The following RBFOX1 variants were observed in gnomAD, a reference collection of about 807,000 sequenced individuals.
RBFOX1 encodes RNA binding fox-1 homolog 1.
Under a neutral mutation model 57.7 loss-of-function variants are expected in RBFOX1, and 8 were observed. The ratio of observed to expected loss-of-function variants is 0.14; its 90% CI spans 0.08 to 0.25. The LOEUF is 0.25. Among genes scored for constraint, RBFOX1 ranks in the 10% least tolerant of loss-of-function variants. RBFOX1 has a pLI of 1.00. For synonymous variants in RBFOX1, 326 were observed against 222.4 expected, an observed-to-expected ratio of 1.47 and a Z score of -4.15; for missense variants, 611 against 548.5, an observed-to-expected ratio of 1.11 and a Z score of -1.14.
At chr16:5,916,817 G>A (rs555545597) in intron 4 of RBFOX1, among the ~76,000 whole-genome samples, 1 of 152,164 alleles carries the variant, frequency 6.6e-6, no homozygotes, top group African/African-American at 2.4e-5. Flanking sequence ...TGAGCTGGGA[G>A]AGAGTCGGAA....
chr16:7,094,628 GTTT>G (rs5815365), intron 4 of RBFOX1, among the ~76,000 whole-genome samples: 2,227 of 141,034 alleles, frequency 0.016, 47 homozygotes, highest in African/African-American at 0.049. Context: ...TTCTTTTGAA[GTTT>G]TTTTTTTTTT....
At chr16:7,116,909 G>A (rs949439848) in intron 4 of RBFOX1, among the ~76,000 whole-genome samples, 3 of 152,142 alleles carry the variant, frequency 2.0e-5, no homozygotes, top group African/African-American at 7.2e-5. Context: ...GTGTGCTAGG[G>A]AGAGGAAGTT....
At chr16:6,249,133 G>C (rs763388226) in intron 1 of RBFOX1, among the ~76,000 whole-genome samples, 1 of 152,080 alleles carries the variant, frequency 6.6e-6, no homozygotes, top group Non-Finnish European at 1.5e-5. Flanking sequence ...ACTCAAGATC[G>C]TTAAGAAAGA....
intron 3 of RBFOX1, among the ~76,000 whole-genome samples, chr16:6,984,872 C>G (rs144836677): frequency 0.036 from 5,452 of 152,114 alleles, 309 homozygotes; most frequent in African/African-American, 0.12. Flanking sequence ...AACTCCTGAC[C>G]TCAGCTGATC....
chr16:6,523,181 ATC>A (rs1404397944), intron 2 of RBFOX1, among the ~76,000 whole-genome samples: 1 of 151,986 alleles, frequency 6.6e-6, no homozygotes, highest in Non-Finnish European at 1.5e-5. Context: ...CTGCTTACTC[ATC>A]TCTCTCTTCT....
At chr16:7,065,333 C>G (rs2346253) in intron 4 of RBFOX1, among the ~76,000 whole-genome samples, 123,919 of 151,966 alleles carry the variant, frequency 0.82, 51,164 homozygotes, top group African/African-American at 0.94. Context: ...TTCAGGTGCA[C>G]GTCTCATCTT....
chr16:6,956,761 C>A (rs58554423), intron 3 of RBFOX1, among the ~76,000 whole-genome samples: 1 of 152,148 alleles, frequency 6.6e-6, no homozygotes, highest in Admixed American at 6.5e-5. Context: ...TTTGACCAGG[C>A]ACAGATGGGT....
intron 3 of RBFOX1, among the ~76,000 whole-genome samples, chr16:6,887,703 C>G (rs1187978798): frequency 1.3e-5 from 2 of 151,522 alleles, no homozygotes; most frequent in African/African-American, 4.9e-5. Flanking sequence ...CACTCTGTCA[C>G]CCAGGTTGGA....
chr16:6,651,697 C>G (rs1288764382), intron 2 of RBFOX1, among the ~76,000 whole-genome samples: 1 of 152,140 alleles, frequency 6.6e-6, no homozygotes, highest in East Asian at 1.9e-4. Context: ...TTGGCAATCT[C>G]ACTTCTGGGC....
rs1211980580 is a variant in RBFOX1 at position 6,468,858 on chromosome 16, G to A, written c.-64+151801G>A. Among the ~76,000 whole-genome samples the A allele has an allele frequency of 3.9e-5, 6 of 151,906 alleles. No individual in the cohort carries two copies. The East Asian group carries it at 1.2e-3, about 29-fold the overall frequency. ...ACATAGGTAAACTTGTGTCATGGGG[G>A]TTCATTGTACAGATTATTTCATCAC... On this transcript the variant is annotated intron_variant, in intron 2 of 15. Transcript: ENST00000550418.
chr16:7,542,357 C>G (rs1016207924), intron 5 of RBFOX1, among the ~76,000 whole-genome samples: 1 of 152,176 alleles, frequency 6.6e-6, no homozygotes, highest in African/African-American at 2.4e-5. Context: ...CCCGTAACTT[C>G]CTCTTGACTT....
chr16:6,777,131 T>C (rs973199163), intron 3 of RBFOX1, among the ~76,000 whole-genome samples: 1 of 152,100 alleles, frequency 6.6e-6, no homozygotes, highest in South Asian at 2.1e-4. Flanking sequence ...AGTGGTCTTG[T>C]ATGCGATGTG....
chr16:7,509,804 C>A lies in RBFOX1; in HGVS notation c.28-8343C>A, dbSNP rs544874911. Among the ~76,000 whole-genome samples, 5 of 152,218 alleles carry A rather than the reference C, an allele frequency of 3.3e-5. No individual in the cohort carries two copies. In the East Asian group the frequency reaches 9.6e-4, roughly 29 times the overall value. The stretch of plus-strand genomic sequence containing the variant: ...CCTTTTATCCCTGAATGTTTGCCCT[C>A]CCCTCTTAAGAAAAAATAAGATAGT... On this transcript the variant is annotated intron_variant, in intron 4 of 15. Transcript: ENST00000550418.
intron 4 of RBFOX1, among the ~76,000 whole-genome samples, chr16:5,932,235 G>A (rs891406696): frequency 6.6e-6 from 1 of 152,188 alleles, no homozygotes; most frequent in Non-Finnish European, 1.5e-5. Context: ...TCAGTGAGAA[G>A]GTTTTGATGC....
intron 2 of RBFOX1, among the ~76,000 whole-genome samples, chr16:6,582,990 C>A (rs1402591818): frequency 6.6e-6 from 1 of 150,970 alleles, no homozygotes; most frequent in African/African-American, 2.4e-5. Context: ...CTCCCTCTTC[C>A]TCACTCTTCT....
At chr16:6,930,763 C>T (rs2076371839) in intron 3 of RBFOX1, among the ~76,000 whole-genome samples, 1 of 152,114 alleles carries the variant, frequency 6.6e-6, no homozygotes, top group Non-Finnish European at 1.5e-5. Flanking sequence ...TTATTGGCCA[C>T]TTGATCCTCC....
chr16:5,643,277 G>C (rs1472925292), intron 3 of RBFOX1, among the ~76,000 whole-genome samples: 1 of 152,148 alleles, frequency 6.6e-6, no homozygotes, highest in African/African-American at 2.4e-5. Flanking sequence ...AAAATGATGT[G>C]GCTTCTTGGC....
intron 3 of RBFOX1, chr16:6,749,064 G>A (rs1246536957): frequency 6.6e-6 from 1 of 152,168 alleles, no homozygotes; most frequent in Non-Finnish European, 1.5e-5. Context: ...TTCATAAAAT[G>A]ACTGATATTT....
chr16:5,785,494 C>G (rs1471989364), intron 3 of RBFOX1, among the ~76,000 whole-genome samples: 1 of 151,994 alleles, frequency 6.6e-6, no homozygotes, highest in Non-Finnish European at 1.5e-5. Context: ...TGCATGGTGT[C>G]TTCAATTTCT....
Sources: allele counts gnomAD v4.1 joint callset (sites outside exome capture counted in the v4.1 genomes callset), GRCh38; gene constraint gnomAD v4.1.1; transcripts MANE v1.5; gene names NCBI Gene and HGNC (gene_info 2026-07-23, HGNC 2026-07-21).